Variants in GNAZ observed in about 807,000 individuals in gnomAD.
GNAZ encodes guanine nucleotide-binding protein G(z) subunit alpha.
In GNAZ, 3 loss-of-function variants were observed where a neutral mutation model predicts 25.4. The ratio of observed to expected loss-of-function variants is 0.12; its 90% CI spans 0.05 to 0.30. The LOEUF (loss-of-function observed/expected upper bound fraction) is 0.30. GNAZ is among the 10% of genes least tolerant of loss of function. The pLI is 1.00. For missense variants in GNAZ, 241 were observed against 501.8 expected (o/e 0.48, Z 4.97); for synonymous variants, 211 against 205.7 (o/e 1.03, Z -0.22).
chr22:23,101,010 G>A (rs2069286449), intron 2 of GNAZ, among the ~76,000 whole-genome samples: 1 of 152,222 alleles, frequency 6.6e-6, no homozygotes, highest in Admixed American at 6.5e-5. Context: ...ATGGCGTGTT[G>A]TGGGTGAAAC....
chr22:23,098,390 C>T (rs1054424619), intron 2 of GNAZ, among the ~76,000 whole-genome samples: 28 of 152,246 alleles, frequency 1.8e-4, no homozygotes, highest in African/African-American at 6.8e-4. Flanking sequence ...GGGGCAGGCC[C>T]TAGATGGGCT....
At chr22:23,100,856 C>T (rs2146331185) in intron 2 of GNAZ, among the ~76,000 whole-genome samples, 1 of 152,340 alleles carries the variant, frequency 6.6e-6, no homozygotes, top group South Asian at 2.1e-4. Flanking sequence ...GGAGTGTATG[C>T]AGTACCCTGA....
intron 2 of GNAZ, among the ~76,000 whole-genome samples, chr22:23,107,205 G>T (rs1378064718): frequency 6.6e-6 from 1 of 152,152 alleles, no homozygotes; most frequent in Non-Finnish European, 1.5e-5. Context: ...GGGGGAGGGG[G>T]CCACCGGCAA....
chr22:23,118,942 A>C (rs1415054659), intron 2 of GNAZ, among the ~76,000 whole-genome samples: 3 of 152,238 alleles, frequency 2.0e-5, no homozygotes, highest in Admixed American at 2.0e-4. Context: ...CACAAAGGCC[A>C]GATGGGTGCA....
Position 23,088,383 on chromosome 22 carries a change from C to T in GNAZ, c.-449-6864C>T, listed in dbSNP as rs574598714. On this transcript the variant is annotated intron_variant, in intron 1 of 2. Coordinates refer to ENST00000615612, the MANE Select transcript of GNAZ (RefSeq NM_002073.4). ...CCTGTGGTCACAGGCATCAGTGAGC[C>T]TGGAGATCTGTCACTGCGCGGGCCT... 2.0e-5 allele frequency among the ~76,000 whole-genome samples: 3 copies of T among 152,358 alleles called. No homozygotes were observed. The South Asian group carries it at 6.2e-4, about 32-fold the overall frequency.
chr22:23,112,891 G>T (rs1435197529), intron 2 of GNAZ, among the ~76,000 whole-genome samples: 2 of 152,200 alleles, frequency 1.3e-5, no homozygotes, highest in Non-Finnish European at 2.9e-5. Flanking sequence ...CACAGCTCCA[G>T]CTGGGCAGAG....
intron 1 of GNAZ, among the ~76,000 whole-genome samples, chr22:23,087,076 C>G (rs771276930): frequency 6.6e-6 from 1 of 152,202 alleles, no homozygotes; most frequent in African/African-American, 2.4e-5. Context: ...TGGCCACAGG[C>G]ACAGGCTTTT....
chr22:23,086,332 A>G (rs549892652), intron 1 of GNAZ, among the ~76,000 whole-genome samples: 1 of 152,182 alleles, frequency 6.6e-6, no homozygotes, highest in Non-Finnish European at 1.5e-5. Context: ...TTTGATTTCT[A>G]CAGCCGTAAA....
intron 1 of GNAZ, among the ~76,000 whole-genome samples, chr22:23,086,005 C>T (rs774052544): frequency 4.6e-5 from 7 of 152,276 alleles, no homozygotes; most frequent in African/African-American, 1.4e-4. Flanking sequence ...CCTGGCCCCT[C>T]GGCAGGGTCC....
At chr22:23,079,999 A>G (rs5751576) in intron 1 of GNAZ, among the ~76,000 whole-genome samples, 39,380 of 151,878 alleles carry the variant, frequency 0.26, 5,217 homozygotes, top group East Asian at 0.36. Flanking sequence ...CACTCAAGTG[A>G]GGGTTTGATG....
Position 23,123,499 on chromosome 22 carries a change from G to C in GNAZ, c.*68G>C. ...GGGTGTCATGCCCCAACGCGTGCTAGAGAGGCCCAATCCAGGGGCAGAAAA... is the reference window on the plus strand; with the variant it reads ...GGGTGTCATGCCCCAACGCGTGCTACAGAGGCCCAATCCAGGGGCAGAAAA... On this transcript the variant is annotated 3_prime_UTR_variant, in exon 3 of 3. Transcript: ENST00000615612. 1 of 1,018,402 alleles carries C rather than the reference G, an allele frequency of 9.8e-7. No individual in the cohort carries two copies. The highest frequency in any genetic ancestry group is 1.5e-6 in the Non-Finnish European group (1 of 680,576). The allele number at this position is 1,018,402 out of a possible 1,614,324, so 63.1% of individuals were successfully genotyped here. A position where few individuals can be genotyped will look rare whatever the true frequency, so the allele number is the denominator to read the frequency against.
chr22:23,088,467 C>T (rs1026692726), intron 1 of GNAZ, among the ~76,000 whole-genome samples: 7 of 152,198 alleles, frequency 4.6e-5, no homozygotes, highest in Non-Finnish European at 1.0e-4. Context: ...ACAGGAGCCG[C>T]GGCTGCCTGG....
chr22:23,099,879 A>AG (rs2069244347), intron 2 of GNAZ, among the ~76,000 whole-genome samples: 2 of 152,338 alleles, frequency 1.3e-5, no homozygotes, highest in South Asian at 4.1e-4. Flanking sequence ...GAGGCACCTG[A>AG]GGGGGTAGGT....
chr22:23,091,769 C>G (rs1255095967), intron 1 of GNAZ, among the ~76,000 whole-genome samples: 1 of 152,238 alleles, frequency 6.6e-6, no homozygotes, highest in Non-Finnish European at 1.5e-5. Context: ...GGCTTAAAAC[C>G]TTTCAGTGGC....
intron 1 of GNAZ, among the ~76,000 whole-genome samples, chr22:23,079,629 GC>G (rs1420382598): frequency 6.6e-6 from 1 of 152,242 alleles, no homozygotes; most frequent in East Asian, 1.9e-4. Context: ...TTACAAGGAT[GC>G]CCCTGGCTGC....
At chr22:23,092,329 G>T (rs1199933229) in intron 1 of GNAZ, among the ~76,000 whole-genome samples, 1 of 152,154 alleles carries the variant, frequency 6.6e-6, no homozygotes, top group Non-Finnish European at 1.5e-5. Context: ...CCAACGCAAG[G>T]CTTCCTTACA....
chr22:23,113,815 G>T (rs2069730779), intron 2 of GNAZ, among the ~76,000 whole-genome samples: 1 of 152,246 alleles, frequency 6.6e-6, no homozygotes. Context: ...AGAGGCTCCT[G>T]CCCACCAGGC....
chr22:23,095,390 C>A lies in GNAZ; in HGVS notation c.-306C>A, dbSNP rs576041326. ...CGGCAGCAGCCGAGGCAAACACAAG[C>A]GGACGGCTTCCCACCGTCGCCGAGG... On this transcript the variant is annotated 5_prime_UTR_variant, in exon 2 of 3. Transcript: ENST00000615612. 1 of 359,290 alleles carries A rather than the reference C, an allele frequency of 2.8e-6. No individual in the cohort carries two copies. Among genetic ancestry groups the A allele is most frequent in the East Asian group, 5.5e-5 (1 of 18,340 alleles). The allele number at this position is 359,290 out of a possible 1,614,324, so 22.3% of individuals were successfully genotyped here.
rs896548088 is a variant in GNAZ, at chr22:23,095,498, C to T, written c.-198C>T. On this transcript the variant is annotated 5_prime_UTR_variant, in exon 2 of 3. Transcript: ENST00000615612. ...CTAGTGGGGAGGGGCGGCCACCGCC[C>T]GCTGCACAGAGCGCCATGCCGGCTG... 4 of 620,000 alleles carry T rather than the reference C, an allele frequency of 6.5e-6. No homozygotes were observed. Among genetic ancestry groups the T allele is most frequent in the Admixed American group, 3.0e-5 (1 of 33,286 alleles). 38.4% of individuals were successfully genotyped at this position (620,000 alleles called of 1,614,324 possible). A position where few individuals can be genotyped will look rare whatever the true frequency, so the allele number is the denominator to read the frequency against.
Sources: allele counts gnomAD v4.1 joint callset (sites outside exome capture counted in the v4.1 genomes callset), GRCh38; gene constraint gnomAD v4.1.1; transcripts MANE v1.5; gene names NCBI Gene and HGNC (gene_info 2026-07-23, HGNC 2026-07-21).